The following LRRC27 variants were observed in gnomAD, a reference collection of about 807,000 sequenced individuals.
LRRC27 encodes leucine rich repeat containing 27.
In LRRC27, 57 loss-of-function variants were observed where a neutral mutation model predicts 55.0. The observed-to-expected ratio is 1.04, with a 90% CI of 0.84 to 1.29. The LOEUF (loss-of-function observed/expected upper bound fraction) is 1.29, where lower values mean the gene tolerates loss of function less well. Ranked by LOEUF, LRRC27 falls within the 50% of genes most tolerant of loss-of-function variation. The pLI, the probability that LRRC27 is intolerant of heterozygous loss-of-function variation, is 0.00. For synonymous variants in LRRC27, 278 were observed against 251.9 expected (o/e 1.10, Z -0.98); for missense variants, 721 against 651.5 (o/e 1.11, Z -1.16).
intron 2 of LRRC27, chr10:132,335,011 A>T (rs1478824281): frequency 6.6e-6 from 1 of 152,228 alleles, no homozygotes; most frequent in Non-Finnish European, 1.5e-5. Flanking sequence ...GCACTTCCAG[A>T]GATCCCCCAT....
At chr10:132,350,949 G>C (rs1425803836) in intron 6 of LRRC27, 2 of 152,240 alleles carry the variant, frequency 1.3e-5, no homozygotes, top group African/African-American at 2.4e-5. Context: ...ACACCTGTCA[G>C]CTCCCTCTCA....
In LRRC27 at chr10:132,356,427, C is replaced by G. The variant is rs550891755; in HGVS notation, c.1170+541C>G. The stretch of plus-strand genomic sequence containing the variant: ...TCCCCCAAGATTGCCAGCTCTTAAG[C>G]TATGGGACATGGGATATCCTGAGTA... On this transcript the variant is annotated intron_variant, in intron 8 of 10. Coordinates refer to ENST00000368614, the MANE Select transcript of LRRC27 (RefSeq NM_030626.3). Among the ~76,000 whole-genome samples, 3 of 148,172 alleles carry G rather than the reference C, an allele frequency of 2.0e-5. No homozygotes were observed. In the East Asian group the frequency reaches 6.0e-4, roughly 30 times the overall value.
chr10:132,333,576 G>A lies in LRRC27; in HGVS notation c.52G>A (p.Glu18Lys). 2 of 1,611,612 alleles carry A rather than the reference G, an allele frequency of 1.2e-6. No homozygotes were observed. The highest frequency in any genetic ancestry group is 1.7e-6 in the Non-Finnish European group (2 of 1,179,576). ...TCCCTCTGTGGCTGCTGCTGATCTGGAGGAGGGTGCTGGTCAGACTAGGAG... is the reference window on the plus strand; with the variant it reads ...TCCCTCTGTGGCTGCTGCTGATCTGAAGGAGGGTGCTGGTCAGACTAGGAG... The part of the protein sequence containing the change: ...EVPSVAAADL[E>K]EGAGQTRSLP... The change falls in exon 2 of 11, where the codon GAG (glutamate) becomes AAG (lysine). Residue 18 changes from glutamate to lysine, a missense_variant. Glu to Lys is a moderately conservative substitution (Grantham distance 56, BLOSUM62 1). Coordinates refer to ENST00000368614, the MANE Select transcript of LRRC27 (RefSeq NM_030626.3).
At chr10:132,364,560 T>TC (rs2068904419) in intron 9 of LRRC27, among the ~76,000 whole-genome samples, 1 of 14,180 alleles carries the variant, frequency 7.1e-5, no homozygotes, top group Non-Finnish European at 1.5e-4. Context: ...CACCCACACT[T>TC]ACACCCACGT....
intron 10 of LRRC27, among the ~76,000 whole-genome samples, chr10:132,369,098 C>CA (rs2069158978): frequency 6.6e-6 from 1 of 152,164 alleles, no homozygotes; most frequent in East Asian, 1.9e-4. Context: ...GATTCACCAT[C>CA]AAAAAATCCA....
At chr10:132,334,152 G>A (rs566244307) in intron 2 of LRRC27, among the ~76,000 whole-genome samples, 2 of 152,132 alleles carry the variant, frequency 1.3e-5, no homozygotes, top group Non-Finnish European at 2.9e-5. Flanking sequence ...GCCCTTCTCC[G>A]GGTCAGTCCG....
chr10:132,330,670 GCAT>G (rs1197320843), upstream of LRRC27, among the ~76,000 whole-genome samples: 1 of 99,458 alleles, frequency 1.0e-5, no homozygotes, highest in Non-Finnish European at 1.9e-5. Context: ...ACCACACCCA[GCAT>G]TTTTTTTTTT....
At chr10:132,336,506 TG>T (rs1171727240) in intron 2 of LRRC27, among the ~76,000 whole-genome samples, 1 of 152,264 alleles carries the variant, frequency 6.6e-6, no homozygotes, top group Non-Finnish European at 1.5e-5. Flanking sequence ...GTCAGTGATT[TG>T]GATCAGGGAC....
rs116991705 is a variant in LRRC27, at chr10:132,346,633, C to G, written c.554-1351C>G. Among the ~76,000 whole-genome samples the G allele has an allele frequency of 1.8e-4, 27 of 152,264 alleles. No homozygotes were observed. The East Asian group carries it at 4.8e-3, about 27-fold the overall frequency. On this transcript the variant is annotated intron_variant, in intron 5 of 10. Coordinates refer to ENST00000368614, the MANE Select transcript of LRRC27 (RefSeq NM_030626.3). ...GGAGCCAAGATGGTGTCACTGCACT[C>G]CAGCCTGGATGACAGAGCGAGATTC...
intron 10 of LRRC27, chr10:132,366,730 C>A: frequency 1.3e-6 from 1 of 777,272 alleles, no homozygotes; most frequent in Non-Finnish European, 1.7e-6. Flanking sequence ...TGCATCGGGG[C>A]TGCCCCCAGA....
rs73385054 is a variant in LRRC27, at chr10:132,344,577, A to G, written c.480A>G (p.Gly160=). Residue 160 remains glycine, a synonymous_variant, in exon 5 of 11, where the codon GGA becomes GGG. Transcript: ENST00000368614. ...EFPPQLVVQK[G]LVAIQRFLRM... is the part of the protein sequence containing the mutation. ...CTCCTCAGCTCGTTGTGCAGAAGGG[A>G]TTGGTGGCTATCCAGCGCTTCCTGC... 5,764 of 1,614,072 alleles carry G rather than the reference A, an allele frequency of 3.6e-3. 183 individuals carry two copies. The African/African-American group carries it at 0.067, about 19-fold the overall frequency.
At chr10:132,339,440 C>T (rs1490590484) in intron 3 of LRRC27, among the ~76,000 whole-genome samples, 4 of 152,192 alleles carry the variant, frequency 2.6e-5, no homozygotes, top group Non-Finnish European at 5.9e-5. Context: ...GAAACACACC[C>T]GGTGCATCTC....
At chr10:132,371,748 T>G (rs1298682671) in intron 10 of LRRC27, among the ~76,000 whole-genome samples, 1 of 152,236 alleles carries the variant, frequency 6.6e-6, no homozygotes, top group Non-Finnish European at 1.5e-5. Context: ...TCCTGAGCTT[T>G]GTCCCCTCCC....
At chr10:132,356,926 A>G (rs922843632) in intron 8 of LRRC27, among the ~76,000 whole-genome samples, 1 of 152,258 alleles carries the variant, frequency 6.6e-6, no homozygotes, top group Non-Finnish European at 1.5e-5. Context: ...TTGAAAGGCC[A>G]CGGATTGCCT....
At chr10:132,366,070 A>G (rs560893582) in intron 10 of LRRC27, among the ~76,000 whole-genome samples, 1 of 152,378 alleles carries the variant, frequency 6.6e-6, no homozygotes, top group East Asian at 1.9e-4. Context: ...GCCAGGCCAC[A>G]TGGCGGGCCT....
intron 7 of LRRC27, 48 bp from the exon 8 acceptor site, chr10:132,355,742 G>A: frequency 2.2e-6 from 3 of 1,372,176 alleles, no homozygotes; most frequent in Non-Finnish European, 3.0e-6. Flanking sequence ...CTGTAGCCTT[G>A]GCTCGAAGCT....
At chr10:132,349,077 GTGTGTGTGCCTGCATGTGGTGTGTGTGCC>G (rs1412009574) in intron 6 of LRRC27, 5 of 1,540,538 alleles carry the variant, frequency 3.2e-6, no homozygotes, top group East Asian at 2.3e-5. Flanking sequence ...TGTGGTGTGC[GTGTGTGTGCCTGCATGTGGTGTGTGTGCC>G]TGTGTGTGTG....
chr10:132,345,254 A>G (rs150118882), intron 5 of LRRC27, among the ~76,000 whole-genome samples: 2,236 of 152,388 alleles, frequency 0.015, 45 homozygotes, highest in South Asian at 0.05. Flanking sequence ...AAAAAAGTAC[A>G]TATTCTGAAA....
intron 10 of LRRC27, among the ~76,000 whole-genome samples, chr10:132,370,970 G>A (rs1288095316): frequency 6.6e-6 from 1 of 152,262 alleles, no homozygotes; most frequent in African/African-American, 2.4e-5. Context: ...CCCCGCAGCA[G>A]CGTTAGAGAC....
Sources: gnomAD v4.1 joint callset for allele counts (sites outside exome capture counted in the v4.1 genomes callset) on GRCh38, gnomAD v4.1.1 for gene constraint, MANE v1.5 for transcripts, NCBI Gene and HGNC (gene_info 2026-07-23, HGNC 2026-07-21) for gene names.